LYN: variants seen among roughly 807,000 people sequenced by gnomAD.
LYN encodes the protein tyrosine-protein kinase Lyn.
Under a neutral mutation model 65.0 loss-of-function variants are expected in LYN, and 12 were observed. The observed-to-expected ratio is 0.18, with a 90% confidence interval of 0.12 to 0.30. LYN has a LOEUF of 0.30. Among genes scored for constraint, LYN ranks in the 10% least tolerant of loss-of-function variants. LYN has a pLI of 1.00. For synonymous variants in LYN, 222 were observed against 221.2 expected, an observed-to-expected ratio of 1.00 and a Z score of -0.03; for missense variants, 380 against 623.2, an observed-to-expected ratio of 0.61 and a Z score of 4.16.
intron 1 of LYN, among the ~76,000 whole-genome samples, chr8:55,923,868 A>G (rs1178096372): frequency 6.6e-6 from 1 of 151,604 alleles, no homozygotes. Context: ...AATGTTTGTT[A>G]TAATGACTTA....
intron 1 of LYN, among the ~76,000 whole-genome samples, chr8:55,880,387 G>A (rs1804618410): frequency 6.6e-6 from 1 of 151,200 alleles, no homozygotes; most frequent in Admixed American, 6.6e-5. Context: ...GCGGTGGGAG[G>A]TGCGGGCGCG....
chr8:55,981,847 G>A (rs775025206), intron 10 of LYN, among the ~76,000 whole-genome samples: 1 of 152,226 alleles, frequency 6.6e-6, no homozygotes, highest in East Asian at 1.9e-4. Flanking sequence ...GAAAAACAAA[G>A]TGCAGCTTTG....
At position 55,951,953 on chromosome 8, in the gene LYN, T is replaced by A; in HGVS notation, c.488-13T>A. 6.2e-7 allele frequency: 1 copy of A among 1,608,140 alleles called. No homozygotes were observed. Among genetic ancestry groups the A allele is most frequent in the Non-Finnish European group, 8.5e-7 (1 of 1,177,962 alleles). ...TGAGATATAAACATTTACTTACACT[T>A]TTCCCCCCATAGGAAGCTTCTCTCT... On this transcript the variant is annotated splice_polypyrimidine_tract_variant and intron_variant, in intron 6 of 12. Coordinates refer to ENST00000519728, the MANE Select transcript of LYN (RefSeq NM_002350.4).
intron 12 of LYN, among the ~76,000 whole-genome samples, chr8:56,000,734 A>T: frequency 6.7e-6 from 1 of 149,754 alleles, no homozygotes; most frequent in African/African-American, 2.4e-5. Context: ...TCTCAAAAAA[A>T]AAAAAAAAAA....
chr8:55,904,301 C>T (rs569541226), intron 1 of LYN, among the ~76,000 whole-genome samples: 2 of 152,078 alleles, frequency 1.3e-5, no homozygotes, highest in South Asian at 2.1e-4. Flanking sequence ...ATTTGGCTGT[C>T]GGGTTGATGG....
intron 1 of LYN, among the ~76,000 whole-genome samples, chr8:55,915,863 C>G (rs1805767697): frequency 6.6e-6 from 1 of 151,848 alleles, no homozygotes; most frequent in African/African-American, 2.4e-5. Flanking sequence ...TAAGAGAGAA[C>G]AAAGATGATG....
At chr8:55,919,168 A>G (rs1356887877) in intron 1 of LYN, among the ~76,000 whole-genome samples, 1 of 152,184 alleles carries the variant, frequency 6.6e-6, no homozygotes, top group African/African-American at 2.4e-5. Flanking sequence ...ATTTCAAGAA[A>G]AGCAGGACTT....
rs1264369587 is a variant in LYN, at chr8:55,984,522, A to G, written c.1051-13824A>G. Among the ~76,000 whole-genome samples the G allele has an allele frequency of 2.0e-5, 3 of 152,292 alleles. No homozygotes were observed. The East Asian group carries it at 5.8e-4, about 29-fold the overall frequency. ...TCATTCTTGACCCTCTTCCTTTTAC[A>G]TTGTATATCCAATTCCTCAGCAAGT... On this transcript the variant is annotated intron_variant, in intron 10 of 12. Coordinates refer to ENST00000519728, the MANE Select transcript of LYN (RefSeq NM_002350.4).
chr8:56,002,937 A>G (rs779883110), intron 12 of LYN, among the ~76,000 whole-genome samples: 1 of 152,194 alleles, frequency 6.6e-6, no homozygotes, highest in Non-Finnish European at 1.5e-5. Context: ...ATCGGTAAAC[A>G]TTGCCAAAAT....
chr8:55,906,388 C>T (rs1447074358), intron 1 of LYN, among the ~76,000 whole-genome samples: 1 of 151,912 alleles, frequency 6.6e-6, no homozygotes, highest in Non-Finnish European at 1.5e-5. Context: ...AATCTGTCGC[C>T]CAGACTGGAG....
chr8:56,010,064 A>C lies in LYN; in HGVS notation c.1493A>C (p.Asp498Ala). 1 of 1,614,158 alleles carries C rather than the reference A, an allele frequency of 6.2e-7. No homozygotes were observed. Among genetic ancestry groups the C allele is most frequent in the Non-Finnish European group, 8.5e-7 (1 of 1,180,024 alleles). The part of the protein sequence containing the change: ...PTFDYLQSVL[D>A]DFYTATEGQY... ...TTTGACTACTTACAGAGCGTCCTGG[A>C]TGATTTCTACACAGCCACGGAAGGG... The change falls in exon 13 of 13, where the codon GAT becomes GCT. Residue 498 changes from aspartate to alanine, a missense_variant. Coordinates refer to ENST00000519728, the MANE Select transcript of LYN (RefSeq NM_002350.4).
At chr8:55,929,820 G>A (rs770850614) in intron 1 of LYN, among the ~76,000 whole-genome samples, 1 of 152,216 alleles carries the variant, frequency 6.6e-6, no homozygotes, top group Admixed American at 6.5e-5. Context: ...TAGAGAAGCA[G>A]ATTTATTTAT....
intron 1 of LYN, among the ~76,000 whole-genome samples, chr8:55,887,753 GC>G (rs1032597892): frequency 2.9e-4 from 44 of 151,684 alleles, no homozygotes; most frequent in African/African-American, 1.0e-3. Context: ...GGAATTACAG[GC>G]ACACACCACC....
chr8:55,955,987 T>A (rs1188251300), intron 8 of LYN, among the ~76,000 whole-genome samples: 1 of 152,256 alleles, frequency 6.6e-6, no homozygotes, highest in East Asian at 1.9e-4. Context: ...AATGTTCACA[T>A]ACAAATTATT....
At chr8:55,946,533 T>C in intron 3 of LYN, 40 bp downstream of exon 3, 2 of 1,269,570 alleles carry the variant, frequency 1.6e-6, no homozygotes, top group Non-Finnish European at 2.3e-6. Context: ...TTTTTTTCTT[T>C]ACTATTAGAG....
chr8:55,907,468 T>C (rs1298128303), intron 1 of LYN, among the ~76,000 whole-genome samples: 1 of 152,216 alleles, frequency 6.6e-6, no homozygotes, highest in African/African-American at 2.4e-5. Context: ...GGAAGCTCTG[T>C]GTCTGGTTTT....
At position 55,953,991 on chromosome 8, in the gene LYN, G is replaced by T. The variant is rs781463890; in HGVS notation, c.790+7G>T. ...TTTGGGGAAGTCTGGATGGGTAAGT[G>T]TGCGGCTCGGGGATCTATGTCCTTC... On this transcript the variant is annotated splice_region_variant and intron_variant, in intron 8 of 12. Transcript: ENST00000519728. The T allele has an allele frequency of 2.5e-6, 4 of 1,613,458 alleles. No individual in the cohort carries two copies. In the African/African-American group the frequency reaches 5.3e-5, roughly 22 times the overall value.
At chr8:55,939,206 G>A (rs1020913087) in intron 1 of LYN, among the ~76,000 whole-genome samples, 20 of 152,320 alleles carry the variant, frequency 1.3e-4, no homozygotes, top group African/African-American at 4.3e-4. Flanking sequence ...TCTGGTGGGA[G>A]AGTGTCTGAA....
In LYN at chr8:55,998,328, G is replaced by A. The variant is rs1808433117; in HGVS notation, c.1051-18G>A. 2 of 1,599,442 alleles carry A rather than the reference G, an allele frequency of 1.3e-6. No homozygotes were observed. Among genetic ancestry groups the A allele is most frequent in the African/African-American group, 1.3e-5 (1 of 74,838 alleles). ...ACCTACCCTACATATGAAAATGGGA[G>A]CCTATTTCTGTTTTCAGATTGCAGA... On this transcript the variant is annotated intron_variant, in intron 10 of 12. Transcript: ENST00000519728.
Sources: allele counts gnomAD v4.1 joint callset (sites outside exome capture counted in the v4.1 genomes callset), GRCh38; gene constraint gnomAD v4.1.1; transcripts MANE v1.5; gene names NCBI Gene and HGNC (gene_info 2026-07-23, HGNC 2026-07-21).